The following UBAP2 variants were observed in gnomAD, a reference collection of about 807,000 sequenced individuals.
UBAP2 encodes the protein ubiquitin associated protein 2, also known as ubiquitin-associated protein 2.
UBAP2 carries 75 observed loss-of-function variants against 139.6 expected under a neutral mutation model. The ratio of observed to expected loss-of-function variants is 0.54; its 90% CI spans 0.45 to 0.65. The LOEUF is 0.65. UBAP2 is among the 30% of genes least tolerant of loss of function. UBAP2 has a pLI of 0.00. For synonymous variants in UBAP2, 526 were observed against 526.2 expected, an observed-to-expected ratio of 1.00 and a Z score of 0.01; for missense variants, 1,368 against 1,369.6, an observed-to-expected ratio of 1.00 and a Z score of 0.02.
At chr9:33,968,913 A>G (rs778286352) in intron 8 of UBAP2, among the ~76,000 whole-genome samples, 3 of 152,222 alleles carry the variant, frequency 2.0e-5, no homozygotes, top group Non-Finnish European at 2.9e-5. Context: ...TAGACATTTC[A>G]GATAAATAAA....
intron 2 of UBAP2, among the ~76,000 whole-genome samples, chr9:33,999,674 G>T (rs1360596409): frequency 1.3e-5 from 2 of 151,754 alleles, no homozygotes; most frequent in Admixed American, 6.6e-5. Context: ...TGGGATTACA[G>T]GCCTGAGCCA....
chr9:33,937,794 C>T (rs935858601), intron 16 of UBAP2, among the ~76,000 whole-genome samples: 4 of 149,272 alleles, frequency 2.7e-5, no homozygotes, highest in Non-Finnish European at 4.4e-5. Context: ...TGGTGGTGGG[C>T]GGCTGTAATC....
intron 6 of UBAP2, among the ~76,000 whole-genome samples, chr9:33,983,375 A>G (rs1371341918): frequency 6.6e-6 from 1 of 152,178 alleles, no homozygotes; most frequent in Non-Finnish European, 1.5e-5. Context: ...CGATTTCTCT[A>G]AGACGCCCAC....
chr9:34,019,232 G>C (rs1008379523), intron 1 of UBAP2, among the ~76,000 whole-genome samples: 1 of 151,698 alleles, frequency 6.6e-6, no homozygotes. Context: ...GTGAAACCCC[G>C]TCTCTACTAA....
At chr9:33,937,425 A>G (rs1384603845) in intron 16 of UBAP2, among the ~76,000 whole-genome samples, 1 of 151,674 alleles carries the variant, frequency 6.6e-6, no homozygotes, top group Non-Finnish European at 1.5e-5. Context: ...TAGCCAACAT[A>G]GTGAAACCCC....
chr9:33,924,733 G>A (rs933119138), intron 22 of UBAP2, among the ~76,000 whole-genome samples: 7 of 152,182 alleles, frequency 4.6e-5, no homozygotes, highest in East Asian at 1.9e-4. Context: ...AGGTAGGCAC[G>A]GGAATAAGCA....
At chr9:33,983,427 A>G (rs564259248) in intron 6 of UBAP2, among the ~76,000 whole-genome samples, 62 of 152,288 alleles carry the variant, frequency 4.1e-4, no homozygotes, top group African/African-American at 1.5e-3. Flanking sequence ...TACCCTAGGA[A>G]AGAAAACCCT....
At chr9:33,954,527 T>C (rs1826389769) in intron 11 of UBAP2, among the ~76,000 whole-genome samples, 1 of 152,076 alleles carries the variant, frequency 6.6e-6, no homozygotes, top group South Asian at 2.1e-4. Context: ...TGAATGCCAT[T>C]GAATCCTTTC....
chr9:33,980,505 T>A lies in UBAP2; in HGVS notation c.520+6255A>T, dbSNP rs915424851. 4.0e-5 allele frequency among the ~76,000 whole-genome samples: 6 copies of A among 151,828 alleles called. No homozygotes were observed. The South Asian group carries it at 1.2e-3, about 32-fold the overall frequency. ...ATCTGCCCGCCTTGGCCTCCCAAAGTGCTGGGATTACAGGCGTGAGCCACC... is the reference window on the plus strand; with the variant it reads ...ATCTGCCCGCCTTGGCCTCCCAAAGAGCTGGGATTACAGGCGTGAGCCACC... On this transcript the variant is annotated intron_variant, in intron 6 of 28. Transcript: ENST00000379238.
At chr9:34,022,121 T>A (rs1017258842) in intron 1 of UBAP2, among the ~76,000 whole-genome samples, 9 of 152,056 alleles carry the variant, frequency 5.9e-5, no homozygotes, top group Non-Finnish European at 1.0e-4. Flanking sequence ...GGCGCACCTC[T>A]GTAATCCCAA....
chr9:34,022,373 G>A (rs1825026484), intron 1 of UBAP2, among the ~76,000 whole-genome samples: 1 of 151,730 alleles, frequency 6.6e-6, no homozygotes, highest in Non-Finnish European at 1.5e-5. Flanking sequence ...TCAGGAGGCT[G>A]AGGCAGGAAG....
intron 1 of UBAP2, among the ~76,000 whole-genome samples, chr9:34,043,891 GC>G (rs1827319706): frequency 6.6e-6 from 1 of 151,654 alleles, no homozygotes; most frequent in Non-Finnish European, 1.5e-5. Context: ...ACTTTGGGAG[GC>G]CGAAGCAGGT....
chr9:33,964,220 G>C (rs750464960), intron 8 of UBAP2, among the ~76,000 whole-genome samples: 4 of 152,086 alleles, frequency 2.6e-5, no homozygotes, highest in Non-Finnish European at 5.9e-5. Flanking sequence ...AGCCTATAAG[G>C]CTGAGTCCTG....
At chr9:34,010,621 A>G (rs952807280) in intron 2 of UBAP2, among the ~76,000 whole-genome samples, 5 of 152,144 alleles carry the variant, frequency 3.3e-5, no homozygotes, top group African/African-American at 1.2e-4. Context: ...ACATATGGAT[A>G]TTGACTGTAC....
intron 4 of UBAP2, among the ~76,000 whole-genome samples, chr9:33,990,780 G>A (rs1466223901): frequency 6.6e-6 from 1 of 151,860 alleles, no homozygotes; most frequent in East Asian, 1.9e-4. Context: ...GGGGTTATAG[G>A]CGTACACCAC....
At chr9:34,005,259 T>C (rs1823092754) in intron 2 of UBAP2, among the ~76,000 whole-genome samples, 1 of 138,954 alleles carries the variant, frequency 7.2e-6, no homozygotes. Context: ...TGAAACTGTG[T>C]CTCAAGAAAA....
In UBAP2 at chr9:33,969,921, CTTTTTTTTTTT is replaced by C. The variant is rs1173625005; in HGVS notation, c.679+1719_679+1729del. Among the ~76,000 whole-genome samples, 169 of 46,188 alleles carry C rather than the reference CTTTTTTTTTTT, an allele frequency of 3.7e-3. 3 individuals carry two copies. The highest frequency in any genetic ancestry group is 0.015 in the African/African-American group (165 of 11,278). 30.3% of individuals were successfully genotyped at this position (46,188 alleles called of 152,430 possible). A position where few individuals can be genotyped will look rare whatever the true frequency, so the allele number is the denominator to read the frequency against. On this transcript the variant is annotated intron_variant, in intron 8 of 28. Transcript: ENST00000379238. Reference sequence around the variant, plus strand: ...GCAAACTTAAATACCGTGTATAATTCTTTTTTTTTTTTTTTTTTTTTTTTTTGAGACAGAGT... The same window carrying C: ...GCAAACTTAAATACCGTGTATAATTCTTTTTTTTTTTTTTTGAGACAGAGT...
intron 1 of UBAP2, among the ~76,000 whole-genome samples, chr9:34,031,856 G>T (rs988127164): frequency 6.6e-5 from 10 of 151,948 alleles, no homozygotes; most frequent in Non-Finnish European, 1.0e-4. Context: ...GTGCTAATAG[G>T]CCAGGTGTGG....
At chr9:33,932,880 C>T (rs902492082) in intron 18 of UBAP2, among the ~76,000 whole-genome samples, 4 of 152,138 alleles carry the variant, frequency 2.6e-5, no homozygotes, top group East Asian at 3.9e-4. Flanking sequence ...TCCTCAGATG[C>T]GAAAAGTGAA....
Sources: allele counts gnomAD v4.1 joint callset (sites outside exome capture counted in the v4.1 genomes callset), GRCh38; gene constraint gnomAD v4.1.1; transcripts MANE v1.5; gene names NCBI Gene and HGNC (gene_info 2026-07-23, HGNC 2026-07-21).